CPVL: variants seen among roughly 807,000 people sequenced by gnomAD.
CPVL encodes probable serine carboxypeptidase CPVL.
Under a neutral mutation model 63.7 loss-of-function variants are expected in CPVL, and 51 were observed. The observed-to-expected ratio is 0.80, with a 90% CI of 0.64 to 1.01. The LOEUF is 1.01. Ranked by LOEUF, CPVL falls within the 50% of genes least tolerant of loss-of-function variation. The probability of loss-of-function intolerance (pLI) is 0.00; values close to 1 mark genes in which losing one functional copy is unlikely to be tolerated. For synonymous variants in CPVL, 195 were observed against 206.0 expected, an observed-to-expected ratio of 0.95 and a Z score of 0.46; for missense variants, 530 against 573.1, an observed-to-expected ratio of 0.92 and a Z score of 0.77.
chr7:29,002,866 CAAAAA>C (rs373207674), intron 12 of CPVL, among the ~76,000 whole-genome samples: 1 of 124,314 alleles, frequency 8.0e-6, no homozygotes, highest in Non-Finnish European at 1.6e-5. Context: ...TATGAAAATT[CAAAAA>C]AAAAAAAAAA....
intron 3 of CPVL, among the ~76,000 whole-genome samples, chr7:29,100,426 C>T (rs978236364): frequency 2.0e-5 from 3 of 152,152 alleles, no homozygotes; most frequent in African/African-American, 4.8e-5. Flanking sequence ...AATGTGCAGG[C>T]GGCGCCAAGG....
upstream of CPVL, among the ~76,000 whole-genome samples, chr7:29,147,885 A>G (rs1005780439): frequency 3.9e-5 from 6 of 152,250 alleles, no homozygotes; most frequent in African/African-American, 1.4e-4. Flanking sequence ...TTGGGAATTG[A>G]CATGAAAGGC....
At chr7:29,191,706 A>G (rs1287070774) in intron 1 of CPVL, 1 of 152,268 alleles carries the variant, frequency 6.6e-6, no homozygotes, top group African/African-American at 2.4e-5. Context: ...TACTTTCCAA[A>G]CAATTAAGAT....
intron 12 of CPVL, among the ~76,000 whole-genome samples, chr7:29,014,021 C>G (rs1397847527): frequency 1.3e-5 from 2 of 152,226 alleles, no homozygotes; most frequent in African/African-American, 4.8e-5. Context: ...CCCTTCCTTC[C>G]ACAGGTGTTG....
intron 6 of CPVL, among the ~76,000 whole-genome samples, chr7:29,087,924 T>C (rs1785377189): frequency 6.6e-6 from 1 of 152,238 alleles, no homozygotes; most frequent in Non-Finnish European, 1.5e-5. Flanking sequence ...CTGCATTTTA[T>C]AGCTTCTATG....
chr7:29,066,452 AG>A lies in CPVL; in HGVS notation c.865-332del, dbSNP rs199952558. ...GACAAGGAGAAAACTAAAGAGGAGT[AG>A]GAAGTGTCATGTGTGTGCATGTGTG... On this transcript the variant is annotated intron_variant, in intron 9 of 12. Transcript: ENST00000265394. Among the ~76,000 whole-genome samples, 934 of 152,314 alleles carry A rather than the reference AG, an allele frequency of 6.1e-3. 1 individual carries two copies. Among genetic ancestry groups the A allele is most frequent in the Non-Finnish European group, 7.9e-3 (535 of 68,020 alleles).
chr7:29,007,597 A>G (rs1023446048), intron 12 of CPVL, among the ~76,000 whole-genome samples: 1 of 152,226 alleles, frequency 6.6e-6, no homozygotes, highest in South Asian at 2.1e-4. Context: ...GAAAGGAAAT[A>G]GTCTTTAGCT....
At chr7:29,066,160 A>G (rs2270027) in intron 9 of CPVL, 39 bp from the exon 10 acceptor site, 193,124 of 1,033,510 alleles carry the variant, frequency 0.19, 19,270 homozygotes, top group East Asian at 0.37. Flanking sequence ...AAAGAAAGAA[A>G]ACATCAGTGT....
intron 11 of CPVL, among the ~76,000 whole-genome samples, chr7:29,059,191 G>T (rs1791031642): frequency 6.6e-6 from 1 of 152,026 alleles, no homozygotes; most frequent in Admixed American, 6.6e-5. Context: ...CTACTAGTGA[G>T]CCCACCAAAG....
chr7:29,168,546 C>G (rs1219573001), intron 5 of CPVL, among the ~76,000 whole-genome samples: 2 of 152,154 alleles, frequency 1.3e-5, no homozygotes, highest in Non-Finnish European at 2.9e-5. Flanking sequence ...GCCAGACATC[C>G]TATAGTTTCA....
intron 1 of CPVL, among the ~76,000 whole-genome samples, chr7:29,131,871 G>C (rs1031564144): frequency 6.6e-6 from 1 of 152,168 alleles, no homozygotes; most frequent in Non-Finnish European, 1.5e-5. Flanking sequence ...ATGCTGACTG[G>C]GCCACTTTGC....
At chr7:29,096,709 C>T (rs1424565692) in intron 3 of CPVL, among the ~76,000 whole-genome samples, 6 of 152,116 alleles carry the variant, frequency 3.9e-5, no homozygotes, top group African/African-American at 9.7e-5. Flanking sequence ...CACAGCTGGT[C>T]GCGGTGGCTC....
chr7:29,156,036 T>C (rs1486664951), intron 5 of CPVL, among the ~76,000 whole-genome samples: 3 of 152,156 alleles, frequency 2.0e-5, no homozygotes, highest in African/African-American at 7.2e-5. Flanking sequence ...TTCCCTTAAA[T>C]CAAAAGAGTG....
In CPVL at chr7:29,040,983, T is replaced by G. The variant is rs79843648; in HGVS notation, c.1138-10224A>C. Among the ~76,000 whole-genome samples the G allele has an allele frequency of 8.0e-3, 1,224 of 152,226 alleles. 4 individuals carry two copies. The highest frequency in any genetic ancestry group is 0.011 in the Non-Finnish European group (726 of 68,006). On this transcript the variant is annotated intron_variant, in intron 11 of 12. Coordinates refer to ENST00000265394, the MANE Select transcript of CPVL (RefSeq NM_031311.5). ...TTTAAGAATGATCCAGAATAATTCT[T>G]GTCCTCTTGCTTGAATATAAAAGTC...
intron 1 of CPVL, among the ~76,000 whole-genome samples, chr7:29,145,433 T>C (rs1792423189): frequency 6.6e-6 from 1 of 152,050 alleles, no homozygotes; most frequent in Admixed American, 6.6e-5. Context: ...CACAGAATTG[T>C]CCAGCTCCAA....
At chr7:29,147,058 C>A (rs914290638), upstream of CPVL, 211 of 1,490,090 alleles carry the variant, frequency 1.4e-4, 1 homozygote, top group Non-Finnish European at 1.8e-4. Context: ...CCATTATACC[C>A]ATTTTGCAAT....
intron 1 of CPVL, among the ~76,000 whole-genome samples, chr7:29,187,642 C>T (rs746043807): frequency 1.3e-5 from 2 of 151,972 alleles, no homozygotes; most frequent in Non-Finnish European, 2.9e-5. Context: ...GCAGGAGAAT[C>T]GCTTGAACCA....
chr7:29,012,268 C>T (rs1481722479), intron 12 of CPVL: 7 of 152,098 alleles, frequency 4.6e-5, no homozygotes, highest in Non-Finnish European at 8.8e-5. Flanking sequence ...TGCTGCAAAC[C>T]ATCACTCTGG....
At chr7:29,087,090 G>A (rs978366405) in intron 6 of CPVL, among the ~76,000 whole-genome samples, 2 of 152,104 alleles carry the variant, frequency 1.3e-5, no homozygotes, top group Admixed American at 1.3e-4. Context: ...TAAATGTACA[G>A]TAGGCTCTGG....
Sources: gnomAD v4.1 joint callset for allele counts (sites outside exome capture counted in the v4.1 genomes callset) on GRCh38, gnomAD v4.1.1 for gene constraint, MANE v1.5 for transcripts, NCBI Gene and HGNC (gene_info 2026-07-23, HGNC 2026-07-21) for gene names.